BMP5: variants seen among roughly 807,000 people sequenced by gnomAD.
BMP5 encodes bone morphogenetic protein 5.
Under a neutral mutation model 46.6 loss-of-function variants are expected in BMP5, and 23 were observed. That is an observed-to-expected ratio of 0.49 (90% CI 0.35 to 0.70). The LOEUF (loss-of-function observed/expected upper bound fraction) is 0.70, where lower values mean the gene tolerates loss of function less well. Among genes scored for constraint, BMP5 ranks in the 30% least tolerant of loss-of-function variants. The probability of loss-of-function intolerance (pLI) is 0.00; values close to 1 mark genes in which losing one functional copy is unlikely to be tolerated. For missense variants in BMP5, 545 were observed against 565.6 expected, an observed-to-expected ratio of 0.96 and a Z score of 0.37; for synonymous variants, 204 against 191.9, an observed-to-expected ratio of 1.06 and a Z score of -0.52.
At chr6:55,807,807 A>G (rs2127533984) in intron 2 of BMP5, among the ~76,000 whole-genome samples, 1 of 152,206 alleles carries the variant, frequency 6.6e-6, no homozygotes, top group Non-Finnish European at 1.5e-5. Flanking sequence ...TGTGTCTAGG[A>G]ATTTATCCAT....
chr6:55,765,396 G>A lies in BMP5; in HGVS notation c.1028-4863C>T, dbSNP rs537988515. Among the ~76,000 whole-genome samples the A allele has an allele frequency of 1.4e-3, 218 of 152,276 alleles. 7 individuals are homozygous for A. In the South Asian group the frequency reaches 0.029, roughly 20 times the overall value. ...GCTGCTGTTTCAAAGCAAAAGAGGA[G>A]ATGTTAGTGTTTTCACTCTTATTTC... On this transcript the variant is annotated intron_variant, in intron 4 of 6. Transcript: ENST00000370830.
rs1408724965 is a variant in BMP5 at position 55,875,451 on chromosome 6, C to T, written c.-586G>A. On this transcript the variant is annotated 5_prime_UTR_variant, in exon 1 of 7. Coordinates refer to ENST00000370830, the MANE Select transcript of BMP5 (RefSeq NM_021073.4). Reference sequence around the variant, plus strand: ...GTGTAAAATAATACTCTAGGTTGTACTATTCAAGTAAATGTGTTTCCCTGA... The same window carrying T: ...GTGTAAAATAATACTCTAGGTTGTATTATTCAAGTAAATGTGTTTCCCTGA... 1 of 155,296 alleles carries T rather than the reference C, an allele frequency of 6.4e-6. No homozygotes were observed. Among genetic ancestry groups the T allele is most frequent in the Non-Finnish European group, 1.4e-5 (1 of 70,008 alleles). The allele number at this position is 155,296 out of a possible 1,614,324, so 9.6% of individuals were successfully genotyped here.
rs1295950858 is a variant in BMP5 at position 55,794,410 on chromosome 6, A to G, written c.701T>C (p.Leu234Ser). 3 of 1,613,896 alleles carry G rather than the reference A, an allele frequency of 1.9e-6. No homozygotes were observed. In the African/African-American group the frequency reaches 4.0e-5, roughly 22 times the overall value. Reference sequence around the variant, plus strand: ...AGCTTGGGCCTTTCTTGTGTCTAACAAGAACAGATCTGCATCCCTAAAAAG... The same window carrying G: ...AGCTTGGGCCTTTCTTGTGTCTAACGAGAACAGATCTGCATCCCTAAAAAG... The part of the protein sequence containing the change: ...EYTNRDADLF[L>S]LDTRKAQALD... The change falls in exon 3 of 7, where the codon TTG becomes TCG. Residue 234 changes from leucine (L) to serine (S), a missense_variant. Coordinates refer to ENST00000370830, the MANE Select transcript of BMP5 (RefSeq NM_021073.4).
At position 55,804,751 on chromosome 6, in the gene BMP5, T is replaced by G. The variant is rs371563710; in HGVS notation, c.684-10324A>C. ...AAGAGAAGGAATTGAAAGTAAAGTT[T>G]TATATCTGTGAATATGGTTATGATG... On this transcript the variant is annotated intron_variant, in intron 2 of 6. Transcript: ENST00000370830. Among the ~76,000 whole-genome samples the G allele has an allele frequency of 3.9e-5, 6 of 152,228 alleles. No homozygotes were observed. The East Asian group carries it at 9.6e-4, about 24-fold the overall frequency.
At chr6:55,771,991 T>A (rs74679059) in intron 4 of BMP5, among the ~76,000 whole-genome samples, 11 of 151,894 alleles carry the variant, frequency 7.2e-5, no homozygotes, top group Non-Finnish European at 1.5e-4. Context: ...CCAAATCCTA[T>A]GAGGATTTTC....
intron 4 of BMP5, among the ~76,000 whole-genome samples, chr6:55,764,417 C>T (rs1369015551): frequency 6.6e-6 from 1 of 151,756 alleles, no homozygotes; most frequent in African/African-American, 2.4e-5. Flanking sequence ...ACTAAAAATA[C>T]GAAAAATTAG....
At chr6:55,793,464 C>T (rs1220341671) in intron 3 of BMP5, among the ~76,000 whole-genome samples, 1 of 152,222 alleles carries the variant, frequency 6.6e-6, no homozygotes, top group East Asian at 1.9e-4. Flanking sequence ...CATTGGCTCA[C>T]TTTTATATCT....
At chr6:55,829,254 C>T (rs1204028792) in intron 1 of BMP5, among the ~76,000 whole-genome samples, 1 of 151,746 alleles carries the variant, frequency 6.6e-6, no homozygotes, top group Non-Finnish European at 1.5e-5. Context: ...TTGCTTACTA[C>T]CGTACACTCT....
At chr6:55,794,462 G>T (rs939835203) in intron 2 of BMP5, 35 bp from the exon 3 acceptor site, 3 of 1,602,456 alleles carry the variant, frequency 1.9e-6, no homozygotes, top group Non-Finnish European at 2.6e-6. Context: ...AAAGTTAAAG[G>T]TTTAAATGAA....
intron 1 of BMP5, among the ~76,000 whole-genome samples, chr6:55,854,643 A>C (rs1175565502): frequency 6.6e-6 from 1 of 152,124 alleles, no homozygotes; most frequent in Admixed American, 6.5e-5. Context: ...ATTGGCTCTA[A>C]ATGTCAAATA....
chr6:55,775,455 T>G lies in BMP5; in HGVS notation c.833-1212A>C, dbSNP rs1019208212. On this transcript the variant is annotated intron_variant, in intron 3 of 6. Coordinates refer to ENST00000370830, the MANE Select transcript of BMP5 (RefSeq NM_021073.4). The stretch of plus-strand genomic sequence containing the variant: ...TTGATATCTGGTTCAATGAAAATCA[T>G]TCAAAGATGATATTTAACCTTAAAT... Among the ~76,000 whole-genome samples, 6 of 152,060 alleles carry G rather than the reference T, an allele frequency of 3.9e-5. No individual in the cohort carries two copies. In the South Asian group the frequency reaches 1.2e-3, roughly 31 times the overall value.
At chr6:55,870,009 A>C (rs901824666) in intron 1 of BMP5, among the ~76,000 whole-genome samples, 2 of 152,100 alleles carry the variant, frequency 1.3e-5, no homozygotes, top group Non-Finnish European at 2.9e-5. Context: ...TACAGAGACC[A>C]AGAACAAGGA....
At chr6:55,849,424 G>A (rs1032146505) in intron 1 of BMP5, among the ~76,000 whole-genome samples, 1 of 152,040 alleles carries the variant, frequency 6.6e-6, no homozygotes, top group Admixed American at 6.6e-5. Flanking sequence ...TAAGATGATT[G>A]AGGAAGAAAT....
chr6:55,764,392 T>C (rs1582045243), intron 4 of BMP5, among the ~76,000 whole-genome samples: 6 of 151,868 alleles, frequency 4.0e-5, no homozygotes, highest in African/African-American at 1.4e-4. Flanking sequence ...GCTAACACGG[T>C]GAAACCCCGT....
chr6:55,825,311 A>G (rs1477495001), intron 1 of BMP5, among the ~76,000 whole-genome samples: 2 of 151,938 alleles, frequency 1.3e-5, no homozygotes, highest in African/African-American at 2.4e-5. Context: ...CTAGAGAAAT[A>G]GAAAACTCAA....
At chr6:55,800,449 C>G (rs771409668) in intron 2 of BMP5, among the ~76,000 whole-genome samples, 4 of 152,100 alleles carry the variant, frequency 2.6e-5, no homozygotes, top group Non-Finnish European at 4.4e-5. Context: ...ACTTCTTGCT[C>G]TAATTTGTTT....
chr6:55,788,827 A>T (rs1008770876), intron 3 of BMP5, among the ~76,000 whole-genome samples: 1 of 151,842 alleles, frequency 6.6e-6, no homozygotes, highest in Non-Finnish European at 1.5e-5. Flanking sequence ...CTATCTGTTC[A>T]TTTATCCTCC....
intron 1 of BMP5, among the ~76,000 whole-genome samples, chr6:55,847,215 AG>A (rs1253732409): frequency 2.0e-5 from 3 of 151,948 alleles, no homozygotes; most frequent in Non-Finnish European, 2.9e-5. Context: ...AATACATTAA[AG>A]CCCCTGTGGT....
intron 2 of BMP5, among the ~76,000 whole-genome samples, chr6:55,812,519 A>C (rs547047303): frequency 5.9e-5 from 9 of 152,342 alleles, no homozygotes; most frequent in African/African-American, 1.9e-4. Flanking sequence ...ATTACTGTAC[A>C]GATCTCCCTT....
Sources: gnomAD v4.1 joint callset for allele counts (sites outside exome capture counted in the v4.1 genomes callset) on GRCh38, gnomAD v4.1.1 for gene constraint, MANE v1.5 for transcripts, NCBI Gene and HGNC (gene_info 2026-07-23, HGNC 2026-07-21) for gene names.